Variants in PTPRD observed in about 807,000 individuals in gnomAD.
PTPRD encodes the protein protein tyrosine phosphatase receptor type D.
Under a neutral mutation model 214.5 loss-of-function variants are expected in PTPRD, and 34 were observed. The observed-to-expected ratio is 0.16, with a 90% CI of 0.12 to 0.21. The LOEUF (loss-of-function observed/expected upper bound fraction) is 0.21, where lower values mean the gene tolerates loss of function less well. Among genes scored for constraint, PTPRD ranks in the 10% least tolerant of loss-of-function variants. PTPRD has a pLI of 1.00. For synonymous variants in PTPRD, 1,128 were observed against 845.7 expected, an observed-to-expected ratio of 1.33 and a Z score of -5.79; for missense variants, 2,545 against 2,398.7, an observed-to-expected ratio of 1.06 and a Z score of -1.27.
At chr9:8,984,044 T>G (rs952316169) in intron 11 of PTPRD, among the ~76,000 whole-genome samples, 1 of 152,074 alleles carries the variant, frequency 6.6e-6, no homozygotes, top group Non-Finnish European at 1.5e-5. Flanking sequence ...TAACGTATAT[T>G]TAGTATGTGT....
At chr9:10,378,249 T>G (rs936515450) in intron 2 of PTPRD, among the ~76,000 whole-genome samples, 46 of 152,164 alleles carry the variant, frequency 3.0e-4, no homozygotes, top group Admixed American at 2.5e-3. Flanking sequence ...AAATATAGTT[T>G]CCAGTTCTGT....
At chr9:9,208,443 C>T (rs2099946395) in intron 9 of PTPRD, among the ~76,000 whole-genome samples, 1 of 152,052 alleles carries the variant, frequency 6.6e-6, no homozygotes, top group Non-Finnish European at 1.5e-5. Context: ...TCTATCTTCA[C>T]ATTTTAATTC....
rs550123735 is a variant in PTPRD at position 10,586,753 on chromosome 9, G to C, written c.-600+25645C>G. Among the ~76,000 whole-genome samples, 163 of 149,338 alleles carry C rather than the reference G, an allele frequency of 1.1e-3. 1 individual carries two copies. Among genetic ancestry groups the C allele is most frequent in the Non-Finnish European group, 1.6e-3 (111 of 67,404 alleles). On this transcript the variant is annotated intron_variant, in intron 2 of 45. Coordinates refer to ENST00000381196, the MANE Select transcript of PTPRD (RefSeq NM_002839.4). ...TCCTGAAATGATTCTTCAAAAATTT[G>C]TGTTTGCACATACATGCTCACTTAT...
At chr9:8,678,708 T>C (rs1440340310) in intron 12 of PTPRD, among the ~76,000 whole-genome samples, 1 of 152,218 alleles carries the variant, frequency 6.6e-6, no homozygotes, top group Non-Finnish European at 1.5e-5. Flanking sequence ...AAAGGCACTG[T>C]GTTTTGCAAT....
rs1261924821 is a variant in PTPRD, at chr9:8,330,434, G to GTGAC, written c.5534+1144_5534+1147dup. ...TGCACTGGGAAACCAAAAAGTATGT[G>GTGAC]TGACTCCCTTTATTGTGGTAATCTG... On this transcript the variant is annotated intron_variant, in intron 44 of 45. Transcript: ENST00000381196. Among the ~76,000 whole-genome samples the GTGAC allele has an allele frequency of 3.3e-5, 5 of 152,142 alleles. No individual in the cohort carries two copies. In the East Asian group the frequency reaches 9.6e-4, roughly 29 times the overall value.
At chr9:9,708,421 C>A (rs1247992414) in intron 7 of PTPRD, among the ~76,000 whole-genome samples, 1 of 152,042 alleles carries the variant, frequency 6.6e-6, no homozygotes, top group East Asian at 1.9e-4. Context: ...ATTTAAATTT[C>A]AGCCATGTCT....
chr9:8,985,438 G>C (rs945507142), intron 11 of PTPRD, among the ~76,000 whole-genome samples: 1 of 151,960 alleles, frequency 6.6e-6, no homozygotes, highest in Non-Finnish European at 1.5e-5. Context: ...GGTTGTAATA[G>C]CTAAAAGCAA....
chr9:10,506,563 T>C (rs1469179009), intron 2 of PTPRD, among the ~76,000 whole-genome samples: 2 of 152,148 alleles, frequency 1.3e-5, no homozygotes, highest in African/African-American at 4.8e-5. Flanking sequence ...ATGCATTGTA[T>C]ACCTATATCT....
intron 7 of PTPRD, among the ~76,000 whole-genome samples, chr9:9,628,131 T>G (rs16929936): frequency 0.021 from 3,201 of 152,288 alleles, 117 homozygotes; most frequent in African/African-American, 0.074. Context: ...ATTAGTCAAC[T>G]CTCATTATGA....
At chr9:9,228,254 T>C (rs189093033) in intron 9 of PTPRD, among the ~76,000 whole-genome samples, 7 of 152,220 alleles carry the variant, frequency 4.6e-5, no homozygotes, top group Non-Finnish European at 8.8e-5. Flanking sequence ...TGAATTCAAT[T>C]AAATAGGATG....
At chr9:9,890,576 A>C (rs1287532121) in intron 5 of PTPRD, among the ~76,000 whole-genome samples, 1 of 151,978 alleles carries the variant, frequency 6.6e-6, no homozygotes, top group African/African-American at 2.4e-5. Flanking sequence ...CATTTACATA[A>C]TATGCCAGAA....
At chr9:10,198,782 ATTTT>A (rs2099407966) in intron 3 of PTPRD, among the ~76,000 whole-genome samples, 1 of 152,088 alleles carries the variant, frequency 6.6e-6, no homozygotes, top group Non-Finnish European at 1.5e-5. Flanking sequence ...GTGATAATTT[ATTTT>A]ATCATATGTT....
chr9:10,307,107 C>T (rs1174628559), intron 3 of PTPRD, among the ~76,000 whole-genome samples: 1 of 152,058 alleles, frequency 6.6e-6, no homozygotes, highest in Non-Finnish European at 1.5e-5. Flanking sequence ...TAATTTGAAA[C>T]ATATAATGCA....
chr9:8,463,254 G>A (rs1164602589), intron 32 of PTPRD, among the ~76,000 whole-genome samples: 1 of 122,180 alleles, frequency 8.2e-6, no homozygotes, highest in Non-Finnish European at 1.6e-5. Flanking sequence ...ATTTTCTAAC[G>A]CATTACAAGA....
At chr9:9,239,883 C>A (rs954966549) in intron 9 of PTPRD, among the ~76,000 whole-genome samples, 1 of 152,146 alleles carries the variant, frequency 6.6e-6, no homozygotes. Flanking sequence ...CTGCCATTTG[C>A]AGGCACACTG....
chr9:9,428,357 G>A (rs540487468), intron 8 of PTPRD, among the ~76,000 whole-genome samples: 39 of 152,142 alleles, frequency 2.6e-4, no homozygotes, highest in Non-Finnish European at 4.7e-4. Context: ...AACAAGAAGA[G>A]CTAACTATCC....
chr9:9,646,346 T>G lies in PTPRD; in HGVS notation c.-286-71565A>C, dbSNP rs1022541918. ...GTGTGTGTGTGTGTGTGTGTGTGGG[T>G]GTGTGTGTGTGTGTGTATTTGCCCA... On this transcript the variant is annotated intron_variant, in intron 7 of 45. Coordinates refer to ENST00000381196, the MANE Select transcript of PTPRD (RefSeq NM_002839.4). 1.4e-4 allele frequency among the ~76,000 whole-genome samples: 20 copies of G among 145,768 alleles called. 1 individual carries two copies. Among genetic ancestry groups the G allele is most frequent in the South Asian group, 1.3e-3 (6 of 4,668 alleles).
intron 3 of PTPRD, among the ~76,000 whole-genome samples, chr9:10,082,947 A>C (rs1161269876): frequency 2.6e-5 from 4 of 151,948 alleles, no homozygotes; most frequent in Non-Finnish European, 5.9e-5. Flanking sequence ...ACTAAACGAC[A>C]GTTCTTACTT....
intron 11 of PTPRD, among the ~76,000 whole-genome samples, chr9:8,884,201 G>A (rs1290352135): frequency 1.3e-5 from 2 of 152,178 alleles, no homozygotes; most frequent in Non-Finnish European, 2.9e-5. Flanking sequence ...CTGAGAGAAT[G>A]GCTATACTGA....
Sources: gnomAD v4.1 joint callset for allele counts (sites outside exome capture counted in the v4.1 genomes callset) on GRCh38, gnomAD v4.1.1 for gene constraint, MANE v1.5 for transcripts, NCBI Gene and HGNC (gene_info 2026-07-23, HGNC 2026-07-21) for gene names.